Variants in RSPH10B observed in about 807,000 individuals in gnomAD.
RSPH10B encodes radial spoke head 10 homolog B (Chlamydomonas).
Under a neutral mutation model 52.5 loss-of-function variants are expected in RSPH10B, and 7 were observed. That is an observed-to-expected ratio of 0.13 (90% CI 0.08 to 0.25). RSPH10B has a LOEUF of 0.25. Ranked by LOEUF, RSPH10B falls within the 10% of genes least tolerant of loss-of-function variation. The pLI, the probability that RSPH10B is intolerant of heterozygous loss-of-function variation, is 1.00. For missense variants in RSPH10B, 89 were observed against 542.5 expected (o/e 0.16, Z 8.30); for synonymous variants, 28 against 193.2 (o/e 0.14, Z 7.09).
At chr7:5,933,087 G>A (rs1315003189) in intron 16 of RSPH10B, among the ~76,000 whole-genome samples, 1 of 71,970 alleles carries the variant, frequency 1.4e-5, no homozygotes, top group African/African-American at 5.6e-5. Context: ...GCGCGATCTC[G>A]GCTCACTGCA....
At chr7:5,940,144 G>C (rs1220303177) in intron 13 of RSPH10B, among the ~76,000 whole-genome samples, 13 of 111,502 alleles carry the variant, frequency 1.2e-4, no homozygotes, top group East Asian at 2.2e-4. Context: ...TTGCAGTGAG[G>C]TGAGATCGTG....
intron 17 of RSPH10B, among the ~76,000 whole-genome samples, chr7:5,931,359 G>A (rs1409218465): frequency 9.2e-5 from 14 of 151,480 alleles, no homozygotes; most frequent in South Asian, 2.1e-4. Context: ...GCCTTTGAGA[G>A]GACAAGGGCC....
At chr7:5,927,337 G>GC (rs1779551624) in intron 18 of RSPH10B, among the ~76,000 whole-genome samples, 1 of 56,098 alleles carries the variant, frequency 1.8e-5, no homozygotes, top group African/African-American at 7.2e-5. Context: ...TCCTGCCTTG[G>GC]CACCCCAAAG....
At chr7:5,948,053 T>C (rs1283730835) in intron 10 of RSPH10B, among the ~76,000 whole-genome samples, 167 bp downstream of exon 12, 1 of 12,498 alleles carries the variant, frequency 8.0e-5, no homozygotes, top group Non-Finnish European at 1.6e-4. Context: ...TTGTATCTTT[T>C]AGTAGAGACG....
chr7:5,944,640 C>T (rs564782187), intron 11 of RSPH10B, among the ~76,000 whole-genome samples: 1 of 145,630 alleles, frequency 6.9e-6, no homozygotes, highest in South Asian at 2.1e-4. Context: ...TGTTCTGAGT[C>T]CTTCATTTCA....
intron 3 of RSPH10B, 73 bp downstream of exon 5, chr7:5,964,428 CT>C (rs1220071033): frequency 6.9e-6 from 3 of 434,714 alleles, no homozygotes; most frequent in Non-Finnish European, 1.3e-5. Flanking sequence ...CGAAAACAGT[CT>C]GTTCAATTGT....
At chr7:5,933,401 C>CA (rs111920150) in intron 16 of RSPH10B, among the ~76,000 whole-genome samples, 12,872 of 102,722 alleles carry the variant, frequency 0.13, 958 homozygotes, top group African/African-American at 0.25. Flanking sequence ...GAAAGCCTCT[C>CA]AAAAAAAAAC....
chr7:5,961,174 C>G (rs1156565108), intron 3 of RSPH10B, among the ~76,000 whole-genome samples: 2 of 121,116 alleles, frequency 1.7e-5, no homozygotes, highest in African/African-American at 3.1e-5. Flanking sequence ...CAATCCTGAC[C>G]TGGGGAACTT....
chr7:5,938,000 TGCAC>T (rs1780009671), intron 14 of RSPH10B, 99 bp from the exon 17 acceptor site: 1 of 678,470 alleles, frequency 1.5e-6, no homozygotes, highest in South Asian at 1.5e-5. Context: ...CATCTGAATA[TGCAC>T]GTTTGCCCAC....
At chr7:5,927,048 T>TATATATATGTGTGTGTATATATA (rs1347951159) in intron 18 of RSPH10B, among the ~76,000 whole-genome samples, 278 of 70,562 alleles carry the variant, frequency 3.9e-3, no homozygotes, top group African/African-American at 0.011. Context: ...TGTGTGTGTA[T>TATATATATGTGTGTGTATATATA]TATGTGTGTG....
intron 17 of RSPH10B, among the ~76,000 whole-genome samples, chr7:5,928,724 T>C (rs185736153): frequency 0.12 from 17,932 of 148,030 alleles, 349 homozygotes; most frequent in Middle Eastern, 0.18. Flanking sequence ...CTCCACCTCC[T>C]GGGTTCAAGC....
At chr7:5,943,126 G>A (rs1780294671) in intron 13 of RSPH10B, 198 bp downstream of exon 15, 1 of 1,262,708 alleles carries the variant, frequency 7.9e-7, no homozygotes, top group Non-Finnish European at 1.1e-6. Context: ...TATTGGGCAG[G>A]TGACGGCTGT....
At chr7:5,943,496 T>A (rs1452743124) in intron 12 of RSPH10B, 24 bp from the exon 15 acceptor site, 3 of 1,607,782 alleles carry the variant, frequency 1.9e-6, no homozygotes, top group African/African-American at 1.4e-5. Context: ...GTTCGAAAAA[T>A]GATTACAGAT....
At chr7:5,961,219 G>A (rs1431478196) in intron 3 of RSPH10B, among the ~76,000 whole-genome samples, 36 of 135,720 alleles carry the variant, frequency 2.7e-4, no homozygotes, top group African/African-American at 9.5e-4. Flanking sequence ...AAGGTGCAGT[G>A]GCTCACACTT....
rs573587881 is a variant in RSPH10B, at chr7:5,942,061, T to G, written c.1758+1263A>C. ...GCTCCGGCCACCATGCCTGGCTAAT[T>G]TTTTTGTATTTTTAGTCGAAAGGGG... On this transcript the variant is annotated intron_variant, in intron 13 of 18. Transcript: ENST00000337579. Among the ~76,000 whole-genome samples the G allele has an allele frequency of 2.9e-4, 44 of 149,376 alleles. 2 individuals are homozygous for G. The highest frequency in any genetic ancestry group is 3.4e-3 in the Middle Eastern group (1 of 290).
chr7:5,931,710 A>G (rs1217311147), intron 17 of RSPH10B, among the ~76,000 whole-genome samples: 1 of 151,468 alleles, frequency 6.6e-6, no homozygotes, highest in Non-Finnish European at 1.5e-5. Flanking sequence ...AAAAAAAAAA[A>G]AAAAATGCCC....
At chr7:5,938,215 T>G in intron 14 of RSPH10B, among the ~76,000 whole-genome samples, 5 of 82,592 alleles carry the variant, frequency 6.1e-5, no homozygotes, top group Admixed American at 1.3e-4. Context: ...AGCCCAGGAG[T>G]TTGAGATCAG....
At chr7:5,947,957 C>T (rs1301051086) in intron 10 of RSPH10B, among the ~76,000 whole-genome samples, 1 of 55,238 alleles carries the variant, frequency 1.8e-5, no homozygotes, top group Non-Finnish European at 3.9e-5. Flanking sequence ...CTGCAACCTC[C>T]GCCTCCTGGG....
intron 17 of RSPH10B, among the ~76,000 whole-genome samples, chr7:5,931,909 A>G (rs1052727301): frequency 1.3e-5 from 2 of 151,212 alleles, no homozygotes; most frequent in Non-Finnish European, 3.0e-5. Flanking sequence ...GAATCACTTG[A>G]ACCCAGGAGG....
Sources: gnomAD v4.1 joint callset for allele counts (sites outside exome capture counted in the v4.1 genomes callset) on GRCh38, gnomAD v4.1.1 for gene constraint, MANE v1.5 for transcripts, NCBI Gene and HGNC (gene_info 2026-07-23, HGNC 2026-07-21) for gene names.